PVT1: variants seen among roughly 807,000 people sequenced by gnomAD.
PVT1 encodes the protein Pvt1 oncogene, also known as CXCR4/PVT1 fusion.
intron 3 of PVT1, chr8:127,947,702 C>T (rs1312617524): frequency 4.4e-6 from 2 of 455,982 alleles, no homozygotes; most frequent in Non-Finnish European, 8.8e-6. Context: ...GTTGTGACTG[C>T]CCACCAGAGG....
chr8:127,980,791 C>CTTTTTTTTTTTTTTTTT (rs11361552), intron 3 of PVT1, among the ~76,000 whole-genome samples: 4 of 120,418 alleles, frequency 3.3e-5, no homozygotes, highest in Non-Finnish European at 5.0e-5. Context: ...ACTACAGCTT[C>CTTTTTTTTTTTTTTTTT]TTTTTTTTTT....
At chr8:128,023,745 C>A (rs772236523) in intron 4 of PVT1, among the ~76,000 whole-genome samples, 1 of 152,122 alleles carries the variant, frequency 6.6e-6, no homozygotes, top group East Asian at 1.9e-4. Context: ...GAGAGAGAGA[C>A]GTGAAGTAGC....
chr8:127,895,759 G>A (rs1815667122), intron 3 of PVT1, among the ~76,000 whole-genome samples: 1 of 152,186 alleles, frequency 6.6e-6, no homozygotes, highest in Non-Finnish European at 1.5e-5. Flanking sequence ...GGTTATATTT[G>A]TATCTAAAGT....
intron 4 of PVT1, among the ~76,000 whole-genome samples, chr8:128,015,088 TTTA>T (rs1432893730): frequency 6.8e-5 from 10 of 147,462 alleles, no homozygotes; most frequent in South Asian, 2.1e-4. Flanking sequence ...TATTTATTTA[TTTA>T]TTATTTATTT....
chr8:127,871,131 C>A (rs1815347125), intron 2 of PVT1, among the ~76,000 whole-genome samples: 1 of 152,180 alleles, frequency 6.6e-6, no homozygotes, highest in Non-Finnish European at 1.5e-5. Flanking sequence ...AGACAGAGAG[C>A]AAATCTAAAA....
At chr8:128,031,398 G>A (rs1258348613) in intron 4 of PVT1, among the ~76,000 whole-genome samples, 1 of 152,238 alleles carries the variant, frequency 6.6e-6, no homozygotes, top group African/African-American at 2.4e-5. Context: ...TTATCAGCCT[G>A]TTTCCTGATC....
chr8:128,090,125 G>A (rs1207629101), intron 5 of PVT1, among the ~76,000 whole-genome samples: 1 of 152,198 alleles, frequency 6.6e-6, no homozygotes, highest in African/African-American at 2.4e-5. Flanking sequence ...GAATGTTTAT[G>A]GACTAGTGGG....
intron 5 of PVT1, among the ~76,000 whole-genome samples, chr8:128,071,876 A>G (rs1312717049): frequency 6.6e-6 from 1 of 152,140 alleles, no homozygotes; most frequent in Admixed American, 6.5e-5. Context: ...AGGCTCCTAC[A>G]GAATCCTGAT....
chr8:127,902,502 C>T (rs893478073), intron 3 of PVT1, among the ~76,000 whole-genome samples: 5 of 149,126 alleles, frequency 3.4e-5, no homozygotes, highest in African/African-American at 9.9e-5. Context: ...ATATGGGATG[C>T]GGTTGAAGTT....
chr8:127,983,194 C>T (rs747341581), intron 3 of PVT1, among the ~76,000 whole-genome samples: 11 of 152,128 alleles, frequency 7.2e-5, no homozygotes, highest in East Asian at 5.8e-4. Context: ...CTGGATGGCT[C>T]GGATGTGGCC....
At chr8:127,926,874 T>C (rs1403630938) in intron 3 of PVT1, among the ~76,000 whole-genome samples, 1 of 152,162 alleles carries the variant, frequency 6.6e-6, no homozygotes, top group Non-Finnish European at 1.5e-5. Context: ...AGTGTTTTGT[T>C]TGGTTGGTTT....
intron 4 of PVT1, among the ~76,000 whole-genome samples, chr8:128,028,103 A>C (rs369489306): frequency 6.6e-6 from 1 of 151,936 alleles, no homozygotes; most frequent in East Asian, 1.9e-4. Context: ...TTGTTCAGCC[A>C]CCTCGGTTTC....
intron 2 of PVT1, among the ~76,000 whole-genome samples, chr8:127,822,687 G>A (rs1443909059): frequency 1.3e-5 from 2 of 152,338 alleles, no homozygotes; most frequent in African/African-American, 4.8e-5. Flanking sequence ...GATGAATCTC[G>A]GAAGCAGAAA....
intron 3 of PVT1, among the ~76,000 whole-genome samples, chr8:127,912,871 G>C (rs928168887): frequency 3.9e-5 from 6 of 152,092 alleles, no homozygotes; most frequent in Non-Finnish European, 7.4e-5. Context: ...GAATTTTTTG[G>C]ATTTTTAGTA....
intron 3 of PVT1, among the ~76,000 whole-genome samples, chr8:127,936,637 T>A (rs757873857): frequency 6.6e-6 from 1 of 152,180 alleles, no homozygotes; most frequent in Non-Finnish European, 1.5e-5. Context: ...TTGTTCACCT[T>A]CAAAGGTCAA....
intron 4 of PVT1, among the ~76,000 whole-genome samples, chr8:128,014,589 C>A (rs947826999): frequency 2.6e-5 from 4 of 152,162 alleles, no homozygotes; most frequent in Non-Finnish European, 5.9e-5. Flanking sequence ...TGATAATGAA[C>A]CGAACAGAGA....
At position 127,986,321 on chromosome 8, in the gene PVT1, G is replaced by A. The variant is rs141864495; in HGVS notation, n.783-2841G>A. On this transcript the variant is annotated intron_variant and non_coding_transcript_variant, in intron 3 of 10. Transcript: ENST00000651587. ...GAGTCAGCCTGTCCTTGGCACTCAG[G>A]CTCTTCAGACGTCAAAGCACAGCGT... Among the ~76,000 whole-genome samples, 1,253 of 152,258 alleles carry A rather than the reference G, an allele frequency of 8.2e-3. 20 individuals are homozygous for A. Among genetic ancestry groups the A allele is most frequent in the African/African-American group, 0.029 (1,212 of 41,532 alleles).
chr8:127,943,599 G>T (rs567335199), intron 3 of PVT1, among the ~76,000 whole-genome samples: 15 of 152,298 alleles, frequency 9.8e-5, no homozygotes, highest in African/African-American at 3.6e-4. Context: ...AGCTCTGTCA[G>T]TCGCAACCCC....
intron 4 of PVT1, among the ~76,000 whole-genome samples, chr8:127,992,512 T>C (rs959955394): frequency 6.6e-5 from 10 of 152,142 alleles, no homozygotes; most frequent in African/African-American, 2.4e-4. Flanking sequence ...TAGCTAGTAC[T>C]ATAGGCACAC....
Sources: gnomAD v4.1 joint callset for allele counts (sites outside exome capture counted in the v4.1 genomes callset) on GRCh38, gnomAD v4.1.1 for gene constraint, MANE v1.5 for transcripts, NCBI Gene and HGNC (gene_info 2026-07-23, HGNC 2026-07-21) for gene names.